Variants in MDGA2 observed in about 807,000 individuals in gnomAD.
MDGA2 encodes the protein MAM domain containing glycosylphosphatidylinositol anchor 2, also known as MAM domain-containing glycosylphosphatidylinositol anchor protein 2.
Under a neutral mutation model 117.8 loss-of-function variants are expected in MDGA2, and 40 were observed. The observed-to-expected ratio is 0.34, with a 90% CI of 0.26 to 0.44. The LOEUF (loss-of-function observed/expected upper bound fraction) is 0.44, where lower values mean the gene tolerates loss of function less well. Ranked by LOEUF, MDGA2 falls within the 20% of genes least tolerant of loss-of-function variation. The pLI, the probability that MDGA2 is intolerant of heterozygous loss-of-function variation, is 1.00. For synonymous variants in MDGA2, 452 were observed against 439.0 expected (o/e 1.03, Z -0.37); for missense variants, 1,123 against 1,250.6 (o/e 0.90, Z 1.54).
In MDGA2 at chr14:47,012,868, T is replaced by C. The variant is rs141746615; in HGVS notation, c.1819+22143A>G. 1.3e-3 allele frequency among the ~76,000 whole-genome samples: 201 copies of C among 152,248 alleles called. 3 individuals carry two copies. The highest frequency in any genetic ancestry group is 1.0e-4 in the Non-Finnish European group (7 of 68,018). On this transcript the variant is annotated intron_variant, in intron 8 of 16. Transcript: ENST00000399232. The stretch of plus-strand genomic sequence containing the variant: ...TTTCCCTGTGCATATAAAAATTACA[T>C]TTACACTATACTGCAGTCTATACAG...
chr14:47,087,019 C>T (rs1890926221), intron 6 of MDGA2, among the ~76,000 whole-genome samples: 2 of 152,120 alleles, frequency 1.3e-5, no homozygotes, highest in Admixed American at 1.3e-4. Flanking sequence ...TTTTAAAATA[C>T]CTATTAAAGC....
At chr14:47,095,910 G>T (rs930604426) in intron 6 of MDGA2, among the ~76,000 whole-genome samples, 1 of 151,908 alleles carries the variant, frequency 6.6e-6, no homozygotes, top group African/African-American at 2.4e-5. Flanking sequence ...GTCATCTTCA[G>T]CATATGGATG....
chr14:46,958,061 T>G (rs977389093), intron 8 of MDGA2, among the ~76,000 whole-genome samples: 1 of 152,212 alleles, frequency 6.6e-6, no homozygotes, highest in Non-Finnish European at 1.5e-5. Context: ...CATGGTCTGA[T>G]ACTGAAGGCA....
At chr14:47,173,074 T>C (rs1884239741) in intron 3 of MDGA2, among the ~76,000 whole-genome samples, 1 of 151,722 alleles carries the variant, frequency 6.6e-6, no homozygotes, top group African/African-American at 2.4e-5. Flanking sequence ...ATGAATGAAA[T>C]GAAGCGAGAA....
intron 7 of MDGA2, among the ~76,000 whole-genome samples, chr14:47,049,331 C>T (rs915948610): frequency 8.6e-5 from 13 of 151,918 alleles, no homozygotes; most frequent in African/African-American, 3.1e-4. Context: ...ACATCAGATA[C>T]CAAAATCTGT....
chr14:47,059,754 A>C (rs374720926), intron 7 of MDGA2, among the ~76,000 whole-genome samples: 9 of 152,224 alleles, frequency 5.9e-5, no homozygotes, highest in East Asian at 1.9e-4. Flanking sequence ...AAGGAAACAA[A>C]CAAAAAAAAC....
At chr14:47,131,340 T>C (rs1350291749) in intron 5 of MDGA2, among the ~76,000 whole-genome samples, 4 of 152,032 alleles carry the variant, frequency 2.6e-5, no homozygotes, top group Admixed American at 1.3e-4. Flanking sequence ...AAAGAAAGTT[T>C]CTTTTACTTA....
At chr14:46,924,988 T>G (rs1272228882) in intron 9 of MDGA2, among the ~76,000 whole-genome samples, 4 of 152,128 alleles carry the variant, frequency 2.6e-5, no homozygotes, top group African/African-American at 9.7e-5. Context: ...AGAAGAGAAG[T>G]TGGTAATGAG....
intron 1 of MDGA2, among the ~76,000 whole-genome samples, chr14:47,473,631 T>C (rs1042622988): frequency 1.3e-5 from 2 of 151,950 alleles, no homozygotes; most frequent in African/African-American, 4.8e-5. Context: ...TATTATGATA[T>C]GTAAAAAGGC....
At chr14:47,464,492 T>TA (rs530288881) in intron 1 of MDGA2, among the ~76,000 whole-genome samples, 271 of 151,972 alleles carry the variant, frequency 1.8e-3, no homozygotes, top group Middle Eastern at 3.4e-3. Context: ...AGTTTCAGAA[T>TA]AAAAAATCAA....
intron 1 of MDGA2, among the ~76,000 whole-genome samples, chr14:47,373,986 T>C (rs1367271902): frequency 6.6e-6 from 1 of 152,122 alleles, no homozygotes; most frequent in African/African-American, 2.4e-5. Context: ...AAATTTCCTG[T>C]TAGTGAAGAA....
intron 1 of MDGA2, among the ~76,000 whole-genome samples, chr14:47,410,405 A>G (rs1892347949): frequency 1.3e-5 from 2 of 152,128 alleles, no homozygotes; most frequent in Admixed American, 1.3e-4. Context: ...TTTTTATTGT[A>G]CTAATTTGAT....
chr14:47,541,690 C>T (rs1895355322), intron 1 of MDGA2, among the ~76,000 whole-genome samples: 1 of 152,178 alleles, frequency 6.6e-6, no homozygotes, highest in African/African-American at 2.4e-5. Flanking sequence ...ACCTCTTAAT[C>T]GCTCTGAGAG....
At chr14:46,905,889 G>T (rs1883472163) in intron 10 of MDGA2, among the ~76,000 whole-genome samples, 1 of 152,004 alleles carries the variant, frequency 6.6e-6, no homozygotes. Context: ...AAATCCCTGA[G>T]GGTCAACAGG....
chr14:47,137,420 T>C (rs1165065407), intron 4 of MDGA2, among the ~76,000 whole-genome samples: 1 of 152,106 alleles, frequency 6.6e-6, no homozygotes, highest in Admixed American at 6.6e-5. Context: ...CCCTCATGAA[T>C]AGATGATTAA....
At chr14:47,161,686 G>A (rs1042880394) in intron 3 of MDGA2, among the ~76,000 whole-genome samples, 1 of 151,172 alleles carries the variant, frequency 6.6e-6, no homozygotes, top group East Asian at 1.9e-4. Context: ...TGCCCTTCAG[G>A]GCACACTCTG....
Position 47,561,513 on chromosome 14 carries a change from G to A in MDGA2, c.280+113004C>T, listed in dbSNP as rs531403513. Reference sequence around the variant, plus strand: ...GTTTTGTGAGTGGGATTACATTCTTGATTTGGCTCCCAGCTTGCACGTTGT... The same window carrying A: ...GTTTTGTGAGTGGGATTACATTCTTAATTTGGCTCCCAGCTTGCACGTTGT... On this transcript the variant is annotated intron_variant, in intron 1 of 16. Coordinates refer to ENST00000399232, the MANE Select transcript of MDGA2 (RefSeq NM_001113498.3). Among the ~76,000 whole-genome samples the A allele has an allele frequency of 5.5e-4, 84 of 152,162 alleles. No homozygotes were observed. In the Middle Eastern group the frequency reaches 0.01, roughly 18 times the overall value.
intron 4 of MDGA2, among the ~76,000 whole-genome samples, chr14:47,142,853 C>A (rs754641677): frequency 6.6e-6 from 1 of 152,002 alleles, no homozygotes; most frequent in African/African-American, 2.4e-5. Context: ...AATACATGTG[C>A]GATGCTGATT....
intron 3 of MDGA2, among the ~76,000 whole-genome samples, chr14:47,155,442 ACT>A (rs1420912278): frequency 1.3e-5 from 2 of 151,586 alleles, no homozygotes; most frequent in Admixed American, 6.6e-5. Flanking sequence ...GAGCTGTGAC[ACT>A]CTCTTCGGAG....
Sources: gnomAD v4.1 joint callset for allele counts (sites outside exome capture counted in the v4.1 genomes callset) on GRCh38, gnomAD v4.1.1 for gene constraint, MANE v1.5 for transcripts, NCBI Gene and HGNC (gene_info 2026-07-23, HGNC 2026-07-21) for gene names.